Variants in ANKS1B observed in about 807,000 individuals in gnomAD.
ANKS1B encodes the protein ankyrin repeat and sterile alpha motif domain-containing protein 1B.
Under a neutral mutation model 148.3 loss-of-function variants are expected in ANKS1B, and 36 were observed. That is an observed-to-expected ratio of 0.24 (90% CI 0.19 to 0.32). ANKS1B has a LOEUF of 0.32. Among genes scored for constraint, ANKS1B ranks in the 10% least tolerant of loss-of-function variants. ANKS1B has a pLI of 1.00. For missense variants in ANKS1B, 1,157 were observed against 1,542.6 expected (o/e 0.75, Z 4.19); for synonymous variants, 542 against 560.8 (o/e 0.97, Z 0.47).
At chr12:99,225,726 T>TA (rs1408430114) in intron 14 of ANKS1B, among the ~76,000 whole-genome samples, 1 of 152,246 alleles carries the variant, frequency 6.6e-6, no homozygotes, top group Non-Finnish European at 1.5e-5. Flanking sequence ...CTCTTGGAGT[T>TA]ACACCAGTGA....
intron 25 of ANKS1B, among the ~76,000 whole-genome samples, chr12:98,754,395 G>A (rs1378506215): frequency 1.3e-5 from 2 of 152,158 alleles, no homozygotes; most frequent in South Asian, 2.1e-4. Flanking sequence ...GTTTGCGTGG[G>A]TCCCCTCTGA....
chr12:99,365,344 A>G (rs1253555835), intron 12 of ANKS1B, among the ~76,000 whole-genome samples: 2 of 152,212 alleles, frequency 1.3e-5, no homozygotes, highest in Non-Finnish European at 2.9e-5. Context: ...TACATATATC[A>G]GCACAATCTG....
intron 8 of ANKS1B, among the ~76,000 whole-genome samples, chr12:99,671,861 T>G (rs1253830207): frequency 1.3e-5 from 2 of 152,120 alleles, no homozygotes; most frequent in Admixed American, 6.6e-5. Flanking sequence ...AGTAAATTTT[T>G]TTTGGTTGAA....
At chr12:99,065,703 C>T (rs1430448009) in intron 16 of ANKS1B, among the ~76,000 whole-genome samples, 2 of 151,336 alleles carry the variant, frequency 1.3e-5, no homozygotes, top group African/African-American at 4.9e-5. Context: ...ATCCGTCCAC[C>T]CACTTATTTA....
intron 9 of ANKS1B, among the ~76,000 whole-genome samples, chr12:99,548,695 A>G (rs1300457615): frequency 1.3e-5 from 2 of 152,124 alleles, no homozygotes; most frequent in Non-Finnish European, 2.9e-5. Flanking sequence ...AAAAAGAAAA[A>G]CAATAAGAAA....
chr12:99,137,362 C>T (rs934858019), intron 15 of ANKS1B, among the ~76,000 whole-genome samples: 14 of 152,126 alleles, frequency 9.2e-5, no homozygotes, highest in Non-Finnish European at 1.9e-4. Context: ...CCAACGATTA[C>T]CCAGTCAGTC....
At chr12:99,461,970 T>C (rs2095982493) in intron 10 of ANKS1B, among the ~76,000 whole-genome samples, 1 of 152,218 alleles carries the variant, frequency 6.6e-6, no homozygotes, top group East Asian at 1.9e-4. Flanking sequence ...ATCCATCTAG[T>C]TTCATCCAAC....
chr12:99,796,091 C>T (rs893205024), intron 4 of ANKS1B, among the ~76,000 whole-genome samples: 2 of 151,900 alleles, frequency 1.3e-5, no homozygotes, highest in African/African-American at 4.8e-5. Flanking sequence ...TGCTTTGGGG[C>T]CATTATTAAG....
chr12:99,256,569 G>A (rs1644868291), intron 12 of ANKS1B, among the ~76,000 whole-genome samples: 1 of 151,894 alleles, frequency 6.6e-6, no homozygotes, highest in Non-Finnish European at 1.5e-5. Flanking sequence ...GTCTCTGGTG[G>A]TCAATGCTCT....
chr12:98,946,598 G>A (rs1191981633), intron 17 of ANKS1B, among the ~76,000 whole-genome samples: 4 of 152,082 alleles, frequency 2.6e-5, no homozygotes, highest in African/African-American at 9.7e-5. Context: ...GCTATTGGGG[G>A]AAAGATGAGA....
intron 1 of ANKS1B, among the ~76,000 whole-genome samples, chr12:99,941,792 T>A (rs368970711): frequency 2.2e-3 from 332 of 152,228 alleles, no homozygotes; most frequent in African/African-American, 7.6e-3. Context: ...CCTTTCAGAA[T>A]AACACAATAA....
chr12:99,620,518 A>G (rs2098034247), intron 9 of ANKS1B, among the ~76,000 whole-genome samples: 1 of 152,236 alleles, frequency 6.6e-6, no homozygotes, highest in Admixed American at 6.5e-5. Context: ...GAATAGATAA[A>G]CATCTTTAAA....
At chr12:99,106,557 G>A (rs78897178) in intron 15 of ANKS1B, among the ~76,000 whole-genome samples, 8 of 152,214 alleles carry the variant, frequency 5.3e-5, no homozygotes, top group East Asian at 3.9e-4. Context: ...TAAAGTTGTC[G>A]GTTTCTAAAG....
chr12:99,459,709 C>T (rs1443414783), intron 10 of ANKS1B, among the ~76,000 whole-genome samples: 1 of 151,592 alleles, frequency 6.6e-6, no homozygotes, highest in Non-Finnish European at 1.5e-5. Context: ...GAGGTGAAAG[C>T]CTGCTACAAG....
intron 4 of ANKS1B, among the ~76,000 whole-genome samples, chr12:99,795,116 G>T (rs2066092380): frequency 2.6e-5 from 4 of 151,924 alleles, no homozygotes; most frequent in Admixed American, 1.3e-4. Flanking sequence ...AGAGGAAGAA[G>T]ATAGAGGTAA....
intron 9 of ANKS1B, among the ~76,000 whole-genome samples, chr12:99,591,745 A>G (rs772102861): frequency 6.6e-6 from 1 of 152,160 alleles, no homozygotes; most frequent in Non-Finnish European, 1.5e-5. Flanking sequence ...AAAGGGTAGC[A>G]CAAGTTTGAT....
chr12:99,059,246 T>A lies in ANKS1B; in HGVS notation c.2626-5937A>T, dbSNP rs188464618. ...CTTCATTGGACTGCCTACCCCTTGG[T>A]GAAGAAATGAGGTGTTAATCATTTT... On this transcript the variant is annotated intron_variant, in intron 16 of 26. Transcript: ENST00000683438. Among the ~76,000 whole-genome samples the A allele has an allele frequency of 1.9e-3, 286 of 152,304 alleles. 2 individuals are homozygous for A. The highest frequency in any genetic ancestry group is 9.5e-3 in the South Asian group (46 of 4,830).
rs527766893 is a variant in ANKS1B at position 99,698,989 on chromosome 12, C to T, written c.1129-43779G>A. On this transcript the variant is annotated intron_variant, in intron 8 of 26. Coordinates refer to ENST00000683438, the MANE Select transcript of ANKS1B (RefSeq NM_001352186.2). Reference sequence around the variant, plus strand: ...GTGTGTGTGGGTGTGCACGCACGTGCGCAAGCACATGTGCGTGCTCTTTAT... The same window carrying T: ...GTGTGTGTGGGTGTGCACGCACGTGTGCAAGCACATGTGCGTGCTCTTTAT... Among the ~76,000 whole-genome samples the T allele has an allele frequency of 1.5e-4, 20 of 137,516 alleles. 1 individual carries two copies. In the South Asian group the frequency reaches 2.7e-3, roughly 18 times the overall value. The allele number at this position is 137,516 out of a possible 152,430, so 90.2% of individuals were successfully genotyped here. A position where few individuals can be genotyped will look rare whatever the true frequency, so the allele number is the denominator to read the frequency against.
chr12:99,449,956 G>C (rs1171348522), intron 10 of ANKS1B, among the ~76,000 whole-genome samples: 1 of 151,710 alleles, frequency 6.6e-6, no homozygotes, highest in African/African-American at 2.4e-5. Flanking sequence ...TCTAGACAAA[G>C]ATTTACTGTA....
Sources: gnomAD v4.1 joint callset for allele counts (sites outside exome capture counted in the v4.1 genomes callset) on GRCh38, gnomAD v4.1.1 for gene constraint, MANE v1.5 for transcripts, NCBI Gene and HGNC (gene_info 2026-07-23, HGNC 2026-07-21) for gene names.